The following MAGI1 variants were observed in gnomAD, a reference collection of about 807,000 sequenced individuals.
MAGI1 encodes membrane-associated guanylate kinase, WW and PDZ domain-containing protein 1.
Under a neutral mutation model 139.9 loss-of-function variants are expected in MAGI1, and 58 were observed. The observed-to-expected ratio is 0.41, with a 90% CI of 0.34 to 0.52. The LOEUF is 0.52. Ranked by LOEUF, MAGI1 falls within the 20% of genes least tolerant of loss-of-function variation. The pLI is 0.12. For synonymous variants in MAGI1, 812 were observed against 737.9 expected (o/e 1.10, Z -1.63); for missense variants, 1,874 against 1,901.6 (o/e 0.99, Z 0.27).
intron 5 of MAGI1, among the ~76,000 whole-genome samples, chr3:65,459,524 T>C (rs1175758603): frequency 1.3e-5 from 2 of 152,240 alleles, no homozygotes; most frequent in East Asian, 3.8e-4. Flanking sequence ...ACGTTTCTCA[T>C]GATTTTCTAC....
chr3:65,363,324 G>A lies in MAGI1; in HGVS notation c.3495+141C>T, dbSNP rs147497655. 2.2e-5 allele frequency: 22 copies of A among 993,132 alleles called. No homozygotes were observed. In the African/African-American group the frequency reaches 3.1e-4, roughly 14 times the overall value. 61.5% of individuals were successfully genotyped at this position (993,132 alleles called of 1,614,324 possible). On this transcript the variant is annotated intron_variant, in intron 21 of 22. Coordinates refer to ENST00000402939, the MANE Select transcript of MAGI1 (RefSeq NM_001033057.2). ...TGCTTTAGGCAGAAATATTTGGTAGGGTAGGAGTCATGCACTTAAGAGAAT... is the reference window on the plus strand; with the variant it reads ...TGCTTTAGGCAGAAATATTTGGTAGAGTAGGAGTCATGCACTTAAGAGAAT...
intron 1 of MAGI1, among the ~76,000 whole-genome samples, chr3:65,964,059 G>A (rs888484157): frequency 2.0e-5 from 3 of 152,120 alleles, no homozygotes; most frequent in African/African-American, 7.2e-5. Context: ...AATCTTTACT[G>A]CATCACATTT....
intron 4 of MAGI1, among the ~76,000 whole-genome samples, chr3:65,474,618 C>CACAT (rs1950755492): frequency 6.6e-6 from 1 of 151,818 alleles, no homozygotes; most frequent in Non-Finnish European, 1.5e-5. Context: ...TTTATACACA[C>CACAT]ACACACACAC....
At chr3:65,618,406 A>T (rs897983767) in intron 2 of MAGI1, among the ~76,000 whole-genome samples, 2 of 152,190 alleles carry the variant, frequency 1.3e-5, no homozygotes, top group African/African-American at 4.8e-5. Context: ...TTTGAATCTG[A>T]ATAATCATTA....
At chr3:65,859,536 C>T (rs1353063750) in intron 1 of MAGI1, among the ~76,000 whole-genome samples, 7 of 151,882 alleles carry the variant, frequency 4.6e-5, no homozygotes, top group Admixed American at 4.6e-4. Context: ...TGAGACCAGC[C>T]TGGCCAATGC....
At chr3:65,726,007 G>A (rs1374806415) in intron 1 of MAGI1, among the ~76,000 whole-genome samples, 1 of 152,188 alleles carries the variant, frequency 6.6e-6, no homozygotes, top group African/African-American at 2.4e-5. Context: ...AGTATTTTCT[G>A]AAGCCAGTTT....
intron 1 of MAGI1, among the ~76,000 whole-genome samples, chr3:65,716,753 C>A (rs190274640): frequency 1.3e-5 from 2 of 152,258 alleles, no homozygotes; most frequent in East Asian, 3.9e-4. Context: ...ACATGGAGGA[C>A]CCATCACTGA....
chr3:66,028,706 C>T (rs2068431870), intron 1 of MAGI1, among the ~76,000 whole-genome samples: 2 of 152,160 alleles, frequency 1.3e-5, no homozygotes, highest in Admixed American at 1.3e-4. Flanking sequence ...AAAGCAATTC[C>T]TCACCGAGGA....
At chr3:65,448,697 TACAC>T (rs10591133) in intron 6 of MAGI1, among the ~76,000 whole-genome samples, 65,664 of 149,564 alleles carry the variant, frequency 0.44, 15,179 homozygotes, top group East Asian at 0.93. Flanking sequence ...AGAAAACACA[TACAC>T]ACACACACAC....
At chr3:65,738,883 C>T (rs142831800) in intron 1 of MAGI1, among the ~76,000 whole-genome samples, 10 of 152,174 alleles carry the variant, frequency 6.6e-5, no homozygotes, top group African/African-American at 1.9e-4. Flanking sequence ...AGAGCACAGG[C>T]AGAGTAGATT....
intron 2 of MAGI1, among the ~76,000 whole-genome samples, chr3:65,621,456 A>G (rs2083662674): frequency 6.6e-6 from 1 of 152,206 alleles, no homozygotes; most frequent in African/African-American, 2.4e-5. Flanking sequence ...AAAATTATAC[A>G]TAAAATCCTG....
intron 2 of MAGI1, among the ~76,000 whole-genome samples, chr3:65,562,439 A>C (rs993778513): frequency 1.3e-5 from 2 of 152,218 alleles, no homozygotes; most frequent in Middle Eastern, 3.4e-3. Context: ...AAAAGTAATG[A>C]CTTATAGGAC....
At chr3:65,971,233 C>T (rs1281146732) in intron 1 of MAGI1, among the ~76,000 whole-genome samples, 2 of 152,150 alleles carry the variant, frequency 1.3e-5, no homozygotes, top group African/African-American at 2.4e-5. Context: ...TGAACTATGA[C>T]ATTTGATGAA....
In MAGI1 at chr3:65,552,288, G is replaced by C. The variant is rs181156969; in HGVS notation, c.431-58657C>G. Among the ~76,000 whole-genome samples the C allele has an allele frequency of 1.7e-4, 25 of 148,666 alleles. No homozygotes were observed. In the South Asian group the frequency reaches 5.2e-3, roughly 31 times the overall value. ...TGTGTGTGTGTGTGTGTGTGTGTGT[G>C]TCCCCATTCCAATTTCCCAACATGA... On this transcript the variant is annotated intron_variant, in intron 2 of 22. Coordinates refer to ENST00000402939, the MANE Select transcript of MAGI1 (RefSeq NM_001033057.2).
At chr3:65,837,729 C>G (rs550719885) in intron 1 of MAGI1, among the ~76,000 whole-genome samples, 31 of 152,100 alleles carry the variant, frequency 2.0e-4, no homozygotes, top group Non-Finnish European at 4.0e-4. Context: ...TGGTTTCAGT[C>G]AGCATTTAAA....
chr3:65,939,306 T>C (rs1313615858), intron 1 of MAGI1, among the ~76,000 whole-genome samples: 2 of 152,270 alleles, frequency 1.3e-5, no homozygotes, highest in East Asian at 1.9e-4. Context: ...AGCCAAATGT[T>C]TAGTCCTCAT....
At chr3:65,968,768 T>C (rs2064880718) in intron 1 of MAGI1, among the ~76,000 whole-genome samples, 1 of 152,088 alleles carries the variant, frequency 6.6e-6, no homozygotes, top group Admixed American at 6.6e-5. Context: ...TCTACACAGT[T>C]TTCTCACTTT....
At chr3:65,728,680 G>C (rs17073579) in intron 1 of MAGI1, among the ~76,000 whole-genome samples, 1 of 151,954 alleles carries the variant, frequency 6.6e-6, no homozygotes, top group Non-Finnish European at 1.5e-5. Flanking sequence ...TGTCAGAAGA[G>C]AAACAACTGT....
At chr3:65,976,268 A>G (rs2065260223) in intron 1 of MAGI1, among the ~76,000 whole-genome samples, 1 of 152,232 alleles carries the variant, frequency 6.6e-6, no homozygotes, top group African/African-American at 2.4e-5. Flanking sequence ...TTACTTATAT[A>G]TAGCCATTTT....
Sources: allele counts gnomAD v4.1 joint callset (sites outside exome capture counted in the v4.1 genomes callset), GRCh38; gene constraint gnomAD v4.1.1; transcripts MANE v1.5; gene names NCBI Gene and HGNC (gene_info 2026-07-23, HGNC 2026-07-21).